PIWIL1: variants seen among roughly 807,000 people sequenced by gnomAD.
PIWIL1 encodes piwi-like protein 1.
PIWIL1 carries 73 observed loss-of-function variants against 114.4 expected under a neutral mutation model. The ratio of observed to expected loss-of-function variants is 0.64; its 90% CI spans 0.53 to 0.78. PIWIL1 has a LOEUF of 0.78. Among genes scored for constraint, PIWIL1 ranks in the 30% least tolerant of loss-of-function variants. PIWIL1 has a pLI of 0.00. For synonymous variants in PIWIL1, 375 were observed against 369.0 expected, an observed-to-expected ratio of 1.02 and a Z score of -0.19; for missense variants, 723 against 1,063.1, an observed-to-expected ratio of 0.68 and a Z score of 4.45.
At chr12:130,404,033 A>C in the PIWIL1 span, among the ~76,000 whole-genome samples, 2 of 152,220 alleles carry the variant, frequency 1.3e-5, no homozygotes, top group African/African-American at 4.8e-5. Context: ...AGATTTCCTT[A>C]TCTCTGTTAT....
chr12:130,367,378 A>G (rs1420726859), intron 19 of PIWIL1, 120 bp downstream of exon 19: 3 of 1,006,286 alleles, frequency 3.0e-6, no homozygotes, highest in East Asian at 2.9e-5. Flanking sequence ...TTTTATAAAC[A>G]TTAATTTTTT....
intron 9 of PIWIL1, 54 bp downstream of exon 9, chr12:130,350,021 T>C: frequency 1.0e-6 from 1 of 983,756 alleles, no homozygotes; most frequent in South Asian, 1.4e-5. Context: ...TTTGGTAGAA[T>C]TCTCTAACAC....
In PIWIL1 at chr12:130,354,908, A is replaced by G. The variant is rs773146996; in HGVS notation, c.1192A>G (p.Asn398Asp). The G allele has an allele frequency of 7.4e-6, 12 of 1,612,782 alleles. No individual in the cohort carries two copies. The highest frequency in any genetic ancestry group is 1.0e-5 in the Non-Finnish European group (12 of 1,178,954). ...TAAAGGTCTAACTGATAAAATGCGT[A>G]ATGATTTTAACGTGATGAAAGACTT... ...YLTGLTDKMR[N>D]DFNVMKDLAV... Residue 398 changes from asparagine (N) to aspartate (D), a missense_variant, in exon 11 of 21, where the codon AAT (asparagine) becomes GAT (aspartate). Physicochemically the swap from Asn to Asp is conservative, Grantham distance 23 (BLOSUM62 1). Transcript: ENST00000245255.
At chr12:130,340,077 T>C (rs1455716821) in intron 1 of PIWIL1, among the ~76,000 whole-genome samples, 3 of 152,004 alleles carry the variant, frequency 2.0e-5, no homozygotes, top group Admixed American at 6.5e-5. Context: ...CAGGTTACCA[T>C]GTAGTAGGGT....
intron 19 of PIWIL1, among the ~76,000 whole-genome samples, chr12:130,369,948 G>A (rs1049349070): frequency 1.3e-5 from 2 of 152,130 alleles, no homozygotes; most frequent in African/African-American, 4.8e-5. Context: ...CTCTTAATGA[G>A]CACCAAAGTC....
intron 3 of PIWIL1, among the ~76,000 whole-genome samples, chr12:130,344,959 T>C (rs1172381618): frequency 6.6e-6 from 1 of 152,240 alleles, no homozygotes; most frequent in Non-Finnish European, 1.5e-5. Flanking sequence ...AGTTATTGGA[T>C]AGTCAACTGG....
At chr12:130,343,346 C>G (rs1317699996) in intron 3 of PIWIL1, among the ~76,000 whole-genome samples, 2 of 152,098 alleles carry the variant, frequency 1.3e-5, no homozygotes, top group Non-Finnish European at 2.9e-5. Context: ...AAATTTAACT[C>G]TATGGAACAG....
intron 9 of PIWIL1, chr12:130,351,497 C>T (rs992441893): frequency 1.3e-5 from 2 of 152,162 alleles, no homozygotes; most frequent in African/African-American, 4.8e-5. Flanking sequence ...CTCAAAGATA[C>T]CTCTCCCATG....
chr12:130,399,323 A>G, the PIWIL1 span, among the ~76,000 whole-genome samples: 2 of 152,294 alleles, frequency 1.3e-5, no homozygotes, highest in African/African-American at 2.4e-5. Flanking sequence ...TGAAGAGACT[A>G]AAGTCCTAAC....
chr12:130,361,654 T>G, intron 16 of PIWIL1, 53 bp downstream of exon 16: 3 of 1,408,232 alleles, frequency 2.1e-6, no homozygotes, highest in Non-Finnish European at 3.0e-6. Flanking sequence ...AGCAGGGTTC[T>G]GGAGGTTCAG....
chr12:130,420,351 G>C, the PIWIL1 span, among the ~76,000 whole-genome samples: 1 of 151,660 alleles, frequency 6.6e-6, no homozygotes, highest in Non-Finnish European at 1.5e-5. The surrounding 1 kb of genome is among the most constrained non-coding windows in gnomAD (Gnocchi z 4.3). Context: ...ACCTATCATA[G>C]GTTTGTCAGT....
the PIWIL1 span, chr12:130,412,668 C>G: frequency 4.3e-6 from 7 of 1,613,832 alleles, no homozygotes; most frequent in Non-Finnish European, 5.1e-6. Flanking sequence ...GTCTAAGAAG[C>G]TGATCCATCA....
intron 9 of PIWIL1, among the ~76,000 whole-genome samples, chr12:130,353,602 G>A (rs1031321342): frequency 6.6e-5 from 10 of 152,130 alleles, no homozygotes; most frequent in Non-Finnish European, 1.2e-4. Flanking sequence ...CTGAGCTGGA[G>A]GCCAGAGAGC....
the PIWIL1 span, among the ~76,000 whole-genome samples, chr12:130,393,331 A>T: frequency 1.1e-4 from 4 of 36,608 alleles, no homozygotes; most frequent in South Asian, 8.7e-4. Flanking sequence ...TGACCCGGTC[A>T]CCATCATCAC....
chr12:130,382,968 AT>A, the PIWIL1 span, among the ~76,000 whole-genome samples: 1 of 152,212 alleles, frequency 6.6e-6, no homozygotes. Context: ...GTTTAAGTGC[AT>A]TTTAGGAACT....
the PIWIL1 span, among the ~76,000 whole-genome samples, chr12:130,415,927 C>G: frequency 6.6e-6 from 1 of 151,562 alleles, no homozygotes; most frequent in Non-Finnish European, 1.5e-5. Context: ...AAGCTGAGAG[C>G]CAAATCATGA....
chr12:130,353,204 TTTG>T (rs995357014), intron 9 of PIWIL1, among the ~76,000 whole-genome samples: 3 of 152,086 alleles, frequency 2.0e-5, no homozygotes, highest in East Asian at 1.9e-4. Flanking sequence ...TGTGTGGTTT[TTTG>T]TTCTTCTGGT....
At chr12:130,358,028 G>A (rs967860644) in intron 14 of PIWIL1, among the ~76,000 whole-genome samples, 3 of 152,158 alleles carry the variant, frequency 2.0e-5, no homozygotes, top group African/African-American at 4.8e-5. Context: ...ACATCACCCC[G>A]AGGGGTCGGG....
Position 130,342,607 on chromosome 12 carries a change from C to A in PIWIL1, c.16C>A (p.Arg6=), listed in dbSNP as rs1565939251. 3 of 1,613,464 alleles carry A rather than the reference C, an allele frequency of 1.9e-6. No homozygotes were observed. The highest frequency in any genetic ancestry group is 1.7e-6 in the Non-Finnish European group (2 of 1,179,500). Residue 6 remains arginine, a synonymous_variant, in exon 2 of 21, where the codon CGA becomes AGA. Coordinates refer to ENST00000245255, the MANE Select transcript of PIWIL1 (RefSeq NM_004764.5). ...ATAGAAAACAATGACTGGGAGAGCC[C>A]GAGCCAGAGCCAGAGGAAGGGCCCG... The part of the protein sequence containing the change: MTGRA[R]ARARGRARGQ...
Sources: gnomAD v4.1 joint callset for allele counts (sites outside exome capture counted in the v4.1 genomes callset) on GRCh38, gnomAD v4.1.1 for gene constraint, Gnocchi (gnomAD v3.1) non-coding constraint, MANE v1.5 for transcripts, NCBI Gene and HGNC (gene_info 2026-07-23, HGNC 2026-07-21) for gene names.